The following TTC39A variants were observed in gnomAD, a reference collection of about 807,000 sequenced individuals.
TTC39A encodes the protein tetratricopeptide repeat domain 39A, also known as tetratricopeptide repeat protein 39A.
Under a neutral mutation model 82.3 loss-of-function variants are expected in TTC39A, and 46 were observed. That is an observed-to-expected ratio of 0.56 (90% confidence interval 0.44 to 0.71). The LOEUF is 0.71. Ranked by LOEUF, TTC39A falls within the 30% of genes least tolerant of loss-of-function variation. The pLI is 0.00. For missense variants in TTC39A, 543 were observed against 712.9 expected (o/e 0.76, Z 2.71); for synonymous variants, 254 against 275.2 (o/e 0.92, Z 0.76).
chr1:51,330,599 G>A (rs1442454278), upstream of TTC39A: 19 of 982,874 alleles, frequency 1.9e-5, no homozygotes, highest in Admixed American at 3.8e-4. This position sits in a 1 kb window ranked among gnomAD's most constrained non-coding sequence, Gnocchi z 4.5. Flanking sequence ...GGGGCGCGCC[G>A]GGGGCGGGGA....
intron 12 of TTC39A, 71 bp from the exon 13 acceptor site, chr1:51,296,241 A>G (rs1644419319): frequency 3.5e-6 from 5 of 1,443,222 alleles, no homozygotes; most frequent in Non-Finnish European, 3.8e-6. Context: ...GAATCTGCAG[A>G]CGGACCTCAC....
At chr1:51,311,625 C>G (rs2148226846) in intron 4 of TTC39A, among the ~76,000 whole-genome samples, 1 of 152,276 alleles carries the variant, frequency 6.6e-6, no homozygotes, top group East Asian at 1.9e-4. Context: ...TGCAGAGCCC[C>G]TCACTGCTTG....
At chr1:51,337,186 A>T (rs1281294763) in intron 1 of TTC39A, among the ~76,000 whole-genome samples, 1 of 151,912 alleles carries the variant, frequency 6.6e-6, no homozygotes, top group Non-Finnish European at 1.5e-5. Flanking sequence ...GCCCTGCACA[A>T]CCTGTATGCT....
chr1:51,330,400 C>T lies in TTC39A; in HGVS notation c.41+37G>A. On this transcript the variant is annotated intron_variant, in intron 1 of 17. Coordinates refer to ENST00000680483, the MANE Select transcript of TTC39A (RefSeq NM_001297663.2). This position sits in a 1 kb window ranked among gnomAD's most constrained non-coding sequence, Gnocchi z 4.5. ...CCACCTGCCCGGGCCCCAGCCCGCG[C>T]CGCCCGCGCCCCCGGGCCTCCCAGC... 1 of 976,952 alleles carries T rather than the reference C, an allele frequency of 1.0e-6. No homozygotes were observed. 60.5% of individuals were successfully genotyped at this position (976,952 alleles called of 1,614,324 possible).
Position 51,317,638 on chromosome 1 carries a change from T to C in TTC39A, c.146+4083A>G, listed in dbSNP as rs183771523. 3.1e-3 allele frequency among the ~76,000 whole-genome samples: 476 copies of C among 152,218 alleles called. 5 individuals carry two copies. The highest frequency in any genetic ancestry group is 0.031 in the South Asian group (148 of 4,828). ...GGTGGCGCGCACCTGCAATCCCAGC[T>C]ACTCAGGAGGCTGAGGCAGGAGAAT... On this transcript the variant is annotated intron_variant, in intron 2 of 17. Coordinates refer to ENST00000680483, the MANE Select transcript of TTC39A (RefSeq NM_001297663.2).
At chr1:51,305,291 T>G in intron 7 of TTC39A, 145 bp from the exon 8 acceptor site, 1 of 726,860 alleles carries the variant, frequency 1.4e-6, no homozygotes. Context: ...TAGCCAATGT[T>G]TTCCAAAGCT....
In TTC39A at chr1:51,321,804, A is replaced by G. The variant is rs1645531002; in HGVS notation, c.63T>C (p.His21=). 6.2e-7 allele frequency: 1 copy of G among 1,613,674 alleles called. No individual in the cohort carries two copies. The highest frequency in any genetic ancestry group is 8.5e-7 in the Non-Finnish European group (1 of 1,179,756). ...CGGTCATGCACTGGTCCAGGGCCTCATGGAGGCTGCTCTCAGGAGTCCTGG... is the reference window on the plus strand; with the variant it reads ...CGGTCATGCACTGGTCCAGGGCCTCGTGGAGGCTGCTCTCAGGAGTCCTGG... ...LPAGTPESSL[H]EALDQCMTAL... is the part of the protein sequence containing the mutation. Residue 21 remains histidine, a synonymous_variant, in exon 2 of 18, where the codon CAT becomes CAC. Transcript: ENST00000680483. This position sits in a 1 kb window ranked among gnomAD's most constrained non-coding sequence, Gnocchi z 4.6.
chr1:51,329,049 C>G (rs1055661680), intron 1 of TTC39A, among the ~76,000 whole-genome samples: 1 of 152,194 alleles, frequency 6.6e-6, no homozygotes, highest in Non-Finnish European at 1.5e-5. Context: ...TAAGGAAGAC[C>G]CACCAGCGTG....
At chr1:51,320,463 A>G (rs1569955587) in intron 2 of TTC39A, among the ~76,000 whole-genome samples, 1 of 114,124 alleles carries the variant, frequency 8.8e-6, no homozygotes, top group Non-Finnish European at 1.6e-5. Flanking sequence ...CTGTTGCCCC[A>G]TGCTGGAGTG....
At chr1:51,332,330 G>A (rs1004353384), upstream of TTC39A, among the ~76,000 whole-genome samples, 15 of 152,202 alleles carry the variant, frequency 9.9e-5, no homozygotes, top group African/African-American at 3.6e-4. Flanking sequence ...TCGTGATCTT[G>A]GCTCACCACA....
At chr1:51,318,575 CA>C (rs1288220006) in intron 2 of TTC39A, among the ~76,000 whole-genome samples, 8 of 152,158 alleles carry the variant, frequency 5.3e-5, no homozygotes, top group Admixed American at 5.2e-4. Flanking sequence ...TTGAAGAGGT[CA>C]GGCCTGGGGA....
At chr1:51,289,947 C>T in intron 16 of TTC39A, 58 bp downstream of exon 16, 3 of 1,468,150 alleles carry the variant, frequency 2.0e-6, no homozygotes, top group Non-Finnish European at 2.8e-6. Flanking sequence ...ATGGAGAAGC[C>T]CTGAATATTC....
Position 51,321,628 on chromosome 1 carries a change from C to T in TTC39A, c.146+93G>A. 8.3e-7 allele frequency: 1 copy of T among 1,208,270 alleles called. No homozygotes were observed. Among genetic ancestry groups the T allele is most frequent in the East Asian group, 2.5e-5 (1 of 39,486 alleles). The allele number at this position is 1,208,270 out of a possible 1,614,324, so 74.8% of individuals were successfully genotyped here. On this transcript the variant is annotated intron_variant, in intron 2 of 17. Coordinates refer to ENST00000680483, the MANE Select transcript of TTC39A (RefSeq NM_001297663.2). This position sits in a 1 kb window ranked among gnomAD's most constrained non-coding sequence, Gnocchi z 4.6. ...TCCTGGTGACCCAGAAAGCCAAAGG[C>T]ATTTAGTTACACAGGGTTCCTCTCA...
intron 1 of TTC39A, among the ~76,000 whole-genome samples, chr1:51,342,662 A>G (rs916143739): frequency 1.4e-4 from 21 of 152,152 alleles, no homozygotes; most frequent in African/African-American, 5.1e-4. Context: ...CCCAGGTTTG[A>G]GCCTTGGGTG....
chr1:51,342,303 A>G (rs1646046816), intron 1 of TTC39A, among the ~76,000 whole-genome samples: 1 of 152,160 alleles, frequency 6.6e-6, no homozygotes. Flanking sequence ...GCTCAATGCA[A>G]ATACCCTGGA....
intron 14 of TTC39A, among the ~76,000 whole-genome samples, chr1:51,291,197 A>C (rs1272743307): frequency 6.6e-6 from 1 of 152,152 alleles, no homozygotes; most frequent in Non-Finnish European, 1.5e-5. Flanking sequence ...TTAGTTAAAA[A>C]AATTTGGGGG....
At chr1:51,310,488 A>G (rs1428974365) in intron 5 of TTC39A, among the ~76,000 whole-genome samples, 1 of 152,198 alleles carries the variant, frequency 6.6e-6, no homozygotes, top group Non-Finnish European at 1.5e-5. Flanking sequence ...GGATTAATCC[A>G]ATTCTCATCT....
At chr1:51,323,631 C>T (rs1024939102) in intron 1 of TTC39A, among the ~76,000 whole-genome samples, 1 of 152,164 alleles carries the variant, frequency 6.6e-6, no homozygotes, top group African/African-American at 2.4e-5. Context: ...TTTCATTTCA[C>T]CAGCTCTTTC....
chr1:51,289,092 G>A (rs1644102187), intron 16 of TTC39A, 137 bp from the exon 17 acceptor site: 1 of 722,260 alleles, frequency 1.4e-6, no homozygotes, highest in South Asian at 1.8e-5. Flanking sequence ...CCATAGCAAA[G>A]CCTTCCCATC....
Sources: gnomAD v4.1 joint callset for allele counts (sites outside exome capture counted in the v4.1 genomes callset) on GRCh38, gnomAD v4.1.1 for gene constraint, Gnocchi (gnomAD v3.1) non-coding constraint, MANE v1.5 for transcripts, NCBI Gene and HGNC (gene_info 2026-07-23, HGNC 2026-07-21) for gene names.